The following SHQ1 variants were observed in gnomAD, a reference collection of about 807,000 sequenced individuals.
SHQ1 encodes the protein protein SHQ1 homolog.
Under a neutral mutation model 53.8 loss-of-function variants are expected in SHQ1, and 49 were observed. That is an observed-to-expected ratio of 0.91 (90% CI 0.72 to 1.16). The LOEUF is 1.16. Among genes scored for constraint, SHQ1 ranks in the 50% most tolerant of loss-of-function variants. The probability of loss-of-function intolerance (pLI) is 0.00; values close to 1 mark genes in which losing one functional copy is unlikely to be tolerated. For synonymous variants in SHQ1, 243 were observed against 251.0 expected (o/e 0.97, Z 0.30); for missense variants, 738 against 683.1 (o/e 1.08, Z -0.90).
intron 9 of SHQ1, among the ~76,000 whole-genome samples, chr3:72,804,961 T>C (rs372610865): frequency 2.0e-5 from 3 of 152,346 alleles, no homozygotes; most frequent in South Asian, 4.1e-4. Flanking sequence ...AATTCTGTCA[T>C]GTGAACGTCA....
At chr3:72,848,049 G>A in intron 1 of SHQ1, 149 bp downstream of exon 1, 1 of 924,618 alleles carries the variant, frequency 1.1e-6, no homozygotes, top group South Asian at 1.5e-5. Context: ...CCCTGGAAGA[G>A]GGCAGTTCCC....
At chr3:72,840,760 A>G (rs891185440) in intron 4 of SHQ1, among the ~76,000 whole-genome samples, 5 of 152,130 alleles carry the variant, frequency 3.3e-5, no homozygotes, top group Non-Finnish European at 7.4e-5. Context: ...GAAGTATGAG[A>G]GAGGAGTTCT....
intron 9 of SHQ1, among the ~76,000 whole-genome samples, chr3:72,796,579 G>C (rs537438111): frequency 6.6e-6 from 1 of 152,266 alleles, no homozygotes; most frequent in South Asian, 2.1e-4. Flanking sequence ...CCAGCACTTT[G>C]GAAAGCCGAG....
intron 10 of SHQ1, among the ~76,000 whole-genome samples, chr3:72,751,038 C>G (rs1303057313): frequency 1.3e-5 from 2 of 152,106 alleles, no homozygotes; most frequent in African/African-American, 4.8e-5. Context: ...TCTTTTATGA[C>G]CCTAAGAAGG....
At chr3:72,740,722 G>A in the SHQ1 span, among the ~76,000 whole-genome samples, 7 of 152,274 alleles carry the variant, frequency 4.6e-5, no homozygotes, top group African/African-American at 1.4e-4. Flanking sequence ...CCTCAGGGGA[G>A]CAGTGTGTGA....
Position 72,842,323 on chromosome 3 carries a change from T to C in SHQ1, c.288A>G (p.Ala96=), listed in dbSNP as rs1183676813. The C allele has an allele frequency of 3.1e-6, 5 of 1,613,992 alleles. No individual in the cohort carries two copies. Among genetic ancestry groups the C allele is most frequent in the South Asian group, 1.1e-5 (1 of 91,084 alleles). ...EGLNMLTALL[A]PRKSRTAKPL... ...GTTTTGCTGTCCTGGATTTTCTTGG[T>C]GCCAGAAGAGCAGTTAACATGTTCA... The change falls in exon 3 of 11, where the codon GCA becomes GCG. Residue 96 remains alanine (A), a synonymous_variant. Coordinates refer to ENST00000325599, the MANE Select transcript of SHQ1 (RefSeq NM_018130.3).
intron 8 of SHQ1, among the ~76,000 whole-genome samples, chr3:72,814,028 A>G (rs931840499): frequency 6.6e-6 from 1 of 151,522 alleles, no homozygotes; most frequent in African/African-American, 2.4e-5. Context: ...TTTGATAAAC[A>G]AAGTATAAAA....
chr3:72,827,618 G>GTC (rs1173995187), intron 5 of SHQ1, among the ~76,000 whole-genome samples: 1 of 152,156 alleles, frequency 6.6e-6, no homozygotes, highest in East Asian at 1.9e-4. Context: ...CTGAACTGTG[G>GTC]TCTATGCTTG....
At chr3:72,844,564 AAACT>A in intron 1 of SHQ1, 141 bp from the exon 2 acceptor site, 1 of 731,126 alleles carries the variant, frequency 1.4e-6, no homozygotes, top group Non-Finnish European at 2.4e-6. Context: ...ACATTTTAAT[AAACT>A]AAGTTAGATT....
Position 72,848,381 on chromosome 3 carries a change from T to G in SHQ1, c.-41A>C, listed in dbSNP as rs768019113. ...AAGGGCCGGCGCCGCTCGCTCTCAC[T>G]GCCGCCGCGTTCCCGCCACGCAAAC... On this transcript the variant is annotated 5_prime_UTR_variant, in exon 1 of 11. Coordinates refer to ENST00000325599, the MANE Select transcript of SHQ1 (RefSeq NM_018130.3). The G allele has an allele frequency of 6.2e-6, 10 of 1,606,638 alleles. No homozygotes were observed. Among genetic ancestry groups the G allele is most frequent in the Non-Finnish European group, 6.8e-6 (8 of 1,176,076 alleles).
intron 10 of SHQ1, among the ~76,000 whole-genome samples, chr3:72,776,636 C>G (rs1308990814): frequency 1.2e-4 from 18 of 151,940 alleles, no homozygotes; most frequent in Non-Finnish European, 1.2e-4. Context: ...ATGAGTAAAC[C>G]TTTAATGGAA....
At chr3:72,823,892 T>C (rs996783373) in intron 6 of SHQ1, among the ~76,000 whole-genome samples, 2 of 152,212 alleles carry the variant, frequency 1.3e-5, no homozygotes, top group Admixed American at 1.3e-4. Context: ...AAAAGCCAAA[T>C]CAGTGTGACA....
chr3:72,737,617 C>G, the SHQ1 span, among the ~76,000 whole-genome samples: 34,601 of 152,144 alleles, frequency 0.23, 4,152 homozygotes, highest in Non-Finnish European at 0.25. Flanking sequence ...TATGTGCATC[C>G]TCCTATATAC....
Position 72,750,558 on chromosome 3 carries a change from G to A in SHQ1, c.1460C>T (p.Thr487Ile), listed in dbSNP as rs1334529549. The A allele has an allele frequency of 3.1e-6, 5 of 1,614,222 alleles. No homozygotes were observed. Among genetic ancestry groups the A allele is most frequent in the South Asian group, 1.1e-5 (1 of 91,078 alleles). ...AAAGGGACCTTGCAAAGAACTGACT[G>A]TCTCAGATGGACTATCTTTGAGTTC... ...QDELKDSPSE[T>I]VSSLQGPFLE... Residue 487 changes from threonine to isoleucine, a missense_variant, in exon 11 of 11, where the codon ACA becomes ATA. Physicochemically the swap from Thr to Ile is moderately conservative, Grantham distance 89 (BLOSUM62 -1). Transcript: ENST00000325599.
intron 10 of SHQ1, among the ~76,000 whole-genome samples, chr3:72,787,595 TTA>T (rs570200153): frequency 2.6e-3 from 401 of 152,308 alleles, no homozygotes; most frequent in Admixed American, 3.8e-3. Context: ...GTAATGGATA[TTA>T]TGTTATAAAG....
rs574613423 is a variant in SHQ1 at position 72,799,058 on chromosome 3, C to T, written c.1061-6022G>A. 2.0e-5 allele frequency among the ~76,000 whole-genome samples: 3 copies of T among 152,014 alleles called. No individual in the cohort carries two copies. In the South Asian group the frequency reaches 6.2e-4, roughly 32 times the overall value. ...TAAAGGGACCAGGCCTGGTGGCTCA[C>T]ACCTATAATCCCAACACTATAGGAG... is the stretch of plus-strand genomic sequence containing the variant. On this transcript the variant is annotated intron_variant, in intron 9 of 10. Transcript: ENST00000325599.
chr3:72,765,844 T>C (rs1705715875), intron 10 of SHQ1, among the ~76,000 whole-genome samples: 1 of 152,108 alleles, frequency 6.6e-6, no homozygotes, highest in South Asian at 2.1e-4. Flanking sequence ...TGAGCCACTG[T>C]GCCTGGCCAA....
intron 10 of SHQ1, among the ~76,000 whole-genome samples, chr3:72,769,253 T>G (rs1270769528): frequency 2.0e-5 from 3 of 152,166 alleles, no homozygotes; most frequent in Admixed American, 6.5e-5. Flanking sequence ...CTGCCAGAAC[T>G]TCCGTTATTT....
At chr3:72,805,215 A>G (rs1182098807) in intron 9 of SHQ1, among the ~76,000 whole-genome samples, 6 of 152,258 alleles carry the variant, frequency 3.9e-5, no homozygotes, top group Admixed American at 2.0e-4. Flanking sequence ...CAGTATTACA[A>G]TGTTATGGGA....
Sources: gnomAD v4.1 joint callset for allele counts (sites outside exome capture counted in the v4.1 genomes callset) on GRCh38, gnomAD v4.1.1 for gene constraint, MANE v1.5 for transcripts, NCBI Gene and HGNC (gene_info 2026-07-23, HGNC 2026-07-21) for gene names.